Variants in TRPM3 observed in about 807,000 individuals in gnomAD.
TRPM3 encodes transient receptor potential cation channel subfamily M member 3.
TRPM3 carries 77 observed loss-of-function variants against 181.2 expected under a neutral mutation model. That is an observed-to-expected ratio of 0.42 (90% CI 0.35 to 0.51). The LOEUF is 0.51. Ranked by LOEUF, TRPM3 falls within the 20% of genes least tolerant of loss-of-function variation. The pLI is 0.01. For missense variants in TRPM3, 1,759 were observed against 2,196.7 expected (o/e 0.80, Z 3.98); for synonymous variants, 745 against 796.4 (o/e 0.94, Z 1.09).
intron 7 of TRPM3, among the ~76,000 whole-genome samples, chr9:70,783,622 C>G (rs989646938): frequency 2.0e-5 from 3 of 152,096 alleles, no homozygotes; most frequent in African/African-American, 7.2e-5. Flanking sequence ...CCCAGCCCGT[C>G]TAGAGAAGCC....
At chr9:71,040,967 T>TTTCCTA in intron 1 of TRPM3, among the ~76,000 whole-genome samples, 1 of 152,280 alleles carries the variant, frequency 6.6e-6, no homozygotes, top group African/African-American at 2.4e-5. Context: ...GGAGGGGACG[T>TTTCCTA]GACGACTGGA....
chr9:70,792,776 G>A (rs952378539), intron 6 of TRPM3, among the ~76,000 whole-genome samples: 2 of 151,962 alleles, frequency 1.3e-5, no homozygotes, highest in African/African-American at 4.8e-5. Flanking sequence ...ATTCACCAGG[G>A]GTAGATAGTT....
At chr9:70,596,632 G>A (rs2059075036) in intron 21 of TRPM3, among the ~76,000 whole-genome samples, 1 of 151,324 alleles carries the variant, frequency 6.6e-6, no homozygotes, top group African/African-American at 2.4e-5. Flanking sequence ...TCGGGAGGTT[G>A]AGGCAGGAGA....
intron 19 of TRPM3, among the ~76,000 whole-genome samples, chr9:70,609,795 C>T (rs2061738104): frequency 6.6e-6 from 1 of 152,178 alleles, no homozygotes; most frequent in African/African-American, 2.4e-5. Context: ...CAAATGACTG[C>T]TACGCAGCTG....
At chr9:70,894,107 G>A (rs2096249693) in intron 1 of TRPM3, among the ~76,000 whole-genome samples, 3 of 152,152 alleles carry the variant, frequency 2.0e-5, no homozygotes, top group Non-Finnish European at 4.4e-5. Context: ...GTGCCCATAA[G>A]CCATCCCACC....
intron 1 of TRPM3, among the ~76,000 whole-genome samples, chr9:71,253,402 G>A (rs772744216): frequency 6.6e-5 from 10 of 152,140 alleles, no homozygotes; most frequent in East Asian, 3.8e-4. Context: ...AAGTGGGCAC[G>A]TGTGTACTCC....
intron 1 of TRPM3, among the ~76,000 whole-genome samples, chr9:71,251,162 G>C (rs1223206254): frequency 6.6e-6 from 1 of 152,156 alleles, no homozygotes; most frequent in African/African-American, 2.4e-5. Context: ...CATATCCCAA[G>C]ACTTCTACCA....
At chr9:70,811,121 T>C in intron 6 of TRPM3, 1 of 1,451,568 alleles carries the variant, frequency 6.9e-7, no homozygotes, top group Non-Finnish European at 9.5e-7. Flanking sequence ...CTGTGGTTAA[T>C]TTCTTGGAGT....
intron 6 of TRPM3, among the ~76,000 whole-genome samples, chr9:70,803,138 G>A (rs934553973): frequency 6.6e-6 from 1 of 151,250 alleles, no homozygotes; most frequent in Middle Eastern, 3.4e-3. Flanking sequence ...AGTGGGAGCA[G>A]ATGAGATGCG....
intron 1 of TRPM3, among the ~76,000 whole-genome samples, chr9:71,136,287 T>C (rs572613160): frequency 1.3e-5 from 2 of 152,294 alleles, no homozygotes; most frequent in East Asian, 3.9e-4. Flanking sequence ...AAAGTTGACT[T>C]TGGAGGAAGG....
At chr9:71,225,477 TAAAG>T in intron 1 of TRPM3, among the ~76,000 whole-genome samples, 1 of 152,022 alleles carries the variant, frequency 6.6e-6, no homozygotes, top group East Asian at 1.9e-4. Flanking sequence ...CAAGAAATAC[TAAAG>T]AAAGTAGTTC....
chr9:70,918,369 C>G (rs116024223), intron 1 of TRPM3, among the ~76,000 whole-genome samples: 1 of 152,060 alleles, frequency 6.6e-6, no homozygotes, highest in African/African-American at 2.4e-5. Flanking sequence ...AACTATATGT[C>G]GGATCACAAA....
At chr9:71,302,950 TAA>T (rs1332333743) in intron 1 of TRPM3, among the ~76,000 whole-genome samples, 1 of 151,968 alleles carries the variant, frequency 6.6e-6, no homozygotes, top group Non-Finnish European at 1.5e-5. Context: ...GTGGCCACAG[TAA>T]AGTGAAAGCA....
intron 1 of TRPM3, among the ~76,000 whole-genome samples, chr9:71,163,946 G>A (rs1225904360): frequency 2.6e-5 from 4 of 152,204 alleles, no homozygotes; most frequent in African/African-American, 9.6e-5. Context: ...CCACATGGAA[G>A]TCAGTGGTCA....
intron 1 of TRPM3, among the ~76,000 whole-genome samples, chr9:71,227,932 C>A (rs1480829930): frequency 6.6e-6 from 1 of 152,054 alleles, no homozygotes; most frequent in Admixed American, 6.6e-5. Flanking sequence ...AAACTCTATT[C>A]TAACTATTCC....
At chr9:70,797,231 A>T (rs1157947905) in intron 6 of TRPM3, among the ~76,000 whole-genome samples, 1 of 152,170 alleles carries the variant, frequency 6.6e-6, no homozygotes, top group Non-Finnish European at 1.5e-5. Context: ...TCATCAACTG[A>T]CCTGAGATGC....
chr9:70,959,608 G>A (rs989954945), intron 1 of TRPM3, among the ~76,000 whole-genome samples: 1 of 152,106 alleles, frequency 6.6e-6, no homozygotes, highest in African/African-American at 2.4e-5. Context: ...AAAGAAAATA[G>A]CAAGTTGTTA....
intron 1 of TRPM3, among the ~76,000 whole-genome samples, chr9:71,093,824 C>A (rs1345057605): frequency 6.6e-6 from 1 of 152,072 alleles, no homozygotes; most frequent in African/African-American, 2.4e-5. Context: ...ATAGCAAAGA[C>A]TTGGAACCAA....
intron 1 of TRPM3, among the ~76,000 whole-genome samples, chr9:70,969,224 T>C (rs992307327): frequency 1.3e-5 from 2 of 149,694 alleles, no homozygotes; most frequent in Non-Finnish European, 3.0e-5. Context: ...AGTTGAGCAA[T>C]AAGAATACAT....
Sources: gnomAD v4.1 joint callset for allele counts (sites outside exome capture counted in the v4.1 genomes callset) on GRCh38, gnomAD v4.1.1 for gene constraint, MANE v1.5 for transcripts, NCBI Gene and HGNC (gene_info 2026-07-23, HGNC 2026-07-21) for gene names.